GABARAPL2: variants seen among roughly 807,000 people sequenced by gnomAD.
GABARAPL2 encodes GABA type A receptor associated protein like 2, also known as gamma-aminobutyric acid receptor-associated protein-like 2.
Under a neutral mutation model 16.9 loss-of-function variants are expected in GABARAPL2, and 11 were observed. The ratio of observed to expected loss-of-function variants is 0.65; its 90% CI spans 0.41 to 1.08. The LOEUF is 1.08. Among genes scored for constraint, GABARAPL2 ranks in the 50% least tolerant of loss-of-function variants. The pLI is 0.00. For missense variants in GABARAPL2, 134 were observed against 142.5 expected, an observed-to-expected ratio of 0.94 and a Z score of 0.30; for synonymous variants, 57 against 50.7, an observed-to-expected ratio of 1.12 and a Z score of -0.53.
intron 1 of GABARAPL2, 158 bp from the exon 2 acceptor site, chr16:75,566,694 C>T (rs966818524): frequency 1.0e-6 from 1 of 959,308 alleles, no homozygotes. Flanking sequence ...TCACCCTCCG[C>T]GGGCCTTGCT....
chr16:75,576,729 A>G (rs1176268093), intron 3 of GABARAPL2: 1 of 153,538 alleles, frequency 6.5e-6, no homozygotes, highest in African/African-American at 2.4e-5. Context: ...TTTAGTTTGA[A>G]GAGTATCTAT....
Position 75,568,272 on chromosome 16 carries a change from T to C in GABARAPL2, c.263+63T>C, listed in dbSNP as rs146566773. ...ACATCTGGTTGGCTGCTTACGGAAC[T>C]CCAAAACTTTGGAAGTCTGAAAACT... On this transcript the variant is annotated intron_variant, in intron 3 of 3. Coordinates refer to ENST00000037243, the MANE Select transcript of GABARAPL2 (RefSeq NM_007285.7). 1.9e-4 allele frequency: 239 copies of C among 1,241,364 alleles called. 1 individual carries two copies. In the East Asian group the frequency reaches 3.5e-3, roughly 18 times the overall value. The allele number at this position is 1,241,364 out of a possible 1,614,324, so 76.9% of individuals were successfully genotyped here.
At chr16:75,572,667 G>A (rs1303408200) in intron 3 of GABARAPL2, 1 of 152,248 alleles carries the variant, frequency 6.6e-6, no homozygotes, top group Non-Finnish European at 1.5e-5. Context: ...CAGTGGAGGG[G>A]TTGGGGAGAG....
intron 3 of GABARAPL2, chr16:75,575,462 CTTT>C (rs1325897904): frequency 1.3e-5 from 2 of 151,792 alleles, no homozygotes; most frequent in African/African-American, 2.4e-5. Context: ...TGCCTGGATA[CTTT>C]TTTTGACAGA....
intron 3 of GABARAPL2, among the ~76,000 whole-genome samples, chr16:75,574,894 G>T (rs571939151): frequency 6.6e-6 from 1 of 151,770 alleles, no homozygotes; most frequent in Non-Finnish European, 1.5e-5. Flanking sequence ...TTAGCCAGGC[G>T]TGGTGGCATG....
chr16:75,566,709 G>A (rs958300651), intron 1 of GABARAPL2, 143 bp from the exon 2 acceptor site: 43 of 968,436 alleles, frequency 4.4e-5, no homozygotes, highest in South Asian at 4.1e-4. Context: ...CTTGCTGGGA[G>A]CTAGTAGGGG....
At chr16:75,572,397 C>T (rs1341295220) in intron 3 of GABARAPL2, 2 of 152,282 alleles carry the variant, frequency 1.3e-5, no homozygotes, top group Non-Finnish European at 2.9e-5. Context: ...GCTCATCAGC[C>T]CAGCCAATTC....
At position 75,570,545 on chromosome 16, in the gene GABARAPL2, C is replaced by T. The variant is rs2080908622; in HGVS notation, c.263+2336C>T. Among the ~76,000 whole-genome samples the T allele has an allele frequency of 2.0e-5, 3 of 152,162 alleles. No homozygotes were observed. The South Asian group carries it at 6.2e-4, about 32-fold the overall frequency. On this transcript the variant is annotated intron_variant, in intron 3 of 3. Transcript: ENST00000037243. ...TAGAGAAGGGACGAATTCAGGCCTG[C>T]AGGAGCCCTCCCTCTCCGGTGACTG... is the stretch of plus-strand genomic sequence containing the variant.
At chr16:75,569,840 A>C (rs1003812818) in intron 3 of GABARAPL2, among the ~76,000 whole-genome samples, 7 of 152,224 alleles carry the variant, frequency 4.6e-5, no homozygotes, top group Non-Finnish European at 1.0e-4. Flanking sequence ...TCAGGGCAGC[A>C]GAGACTGTTT....
At chr16:75,574,731 C>T (rs892292370) in intron 3 of GABARAPL2, among the ~76,000 whole-genome samples, 13 of 151,776 alleles carry the variant, frequency 8.6e-5, no homozygotes, top group African/African-American at 1.7e-4. Context: ...AGGCATTTCC[C>T]TTTGCAACCT....
chr16:75,574,225 G>T (rs1353735451), intron 3 of GABARAPL2, among the ~76,000 whole-genome samples: 1 of 152,182 alleles, frequency 6.6e-6, no homozygotes, highest in Non-Finnish European at 1.5e-5. Flanking sequence ...TGGGCTGCTG[G>T]TGTTTACGAA....
At chr16:75,572,944 C>T (rs992707109) in intron 3 of GABARAPL2, among the ~76,000 whole-genome samples, 7 of 152,238 alleles carry the variant, frequency 4.6e-5, no homozygotes, top group Admixed American at 4.6e-4. Context: ...CTCCCAGCAA[C>T]TTAGGCAGCA....
In GABARAPL2 at chr16:75,566,844, T is replaced by G. The variant is rs375741946; in HGVS notation, c.35-8T>G. On this transcript the variant is annotated splice_polypyrimidine_tract_variant and splice_region_variant and intron_variant, in intron 1 of 3. Coordinates refer to ENST00000037243, the MANE Select transcript of GABARAPL2 (RefSeq NM_007285.7). ...CGCGGCCGTCAGCCCCGTTTGTTTC[T>G]CCCACAGAACACAGATGCGTGGAGT... 1.0e-4 allele frequency: 162 copies of G among 1,612,716 alleles called. No homozygotes were observed. In the African/African-American group the frequency reaches 1.9e-3, roughly 19 times the overall value.
chr16:75,568,423 A>T (rs2080896515), intron 3 of GABARAPL2: 2 of 398,546 alleles, frequency 5.0e-6, no homozygotes, highest in African/African-American at 2.0e-5. Flanking sequence ...CTGGACTTTT[A>T]AAAAAATGAT....
chr16:75,573,245 T>C (rs576661581), intron 3 of GABARAPL2, among the ~76,000 whole-genome samples: 1 of 152,380 alleles, frequency 6.6e-6, no homozygotes, highest in East Asian at 1.9e-4. Context: ...TGCATATCCA[T>C]TTAATGGGAC....
chr16:75,566,549 TG>T, intron 1 of GABARAPL2, 29 bp downstream of exon 1: 11 of 1,605,022 alleles, frequency 6.9e-6, no homozygotes, highest in Non-Finnish European at 9.3e-6. Context: ...GCCCGGCTGC[TG>T]GGGGCTGGGG....
At chr16:75,574,210 G>A (rs60393074) in intron 3 of GABARAPL2, among the ~76,000 whole-genome samples, 12 of 152,188 alleles carry the variant, frequency 7.9e-5, no homozygotes, top group Non-Finnish European at 8.8e-5. Context: ...ACACAGGCCC[G>A]GGGGTGGGCT....
At chr16:75,569,530 T>C (rs1488958221) in intron 3 of GABARAPL2, among the ~76,000 whole-genome samples, 1 of 152,008 alleles carries the variant, frequency 6.6e-6, no homozygotes, top group Non-Finnish European at 1.5e-5. Flanking sequence ...GGGGAGGTAA[T>C]CTTCTTTCAT....
intron 3 of GABARAPL2, among the ~76,000 whole-genome samples, chr16:75,569,251 A>G (rs934888449): frequency 3.9e-5 from 6 of 152,072 alleles, no homozygotes; most frequent in Admixed American, 6.5e-5. Context: ...CTCCACCTCT[A>G]CTTCCTGGTG....
Sources: gnomAD v4.1 joint callset for allele counts (sites outside exome capture counted in the v4.1 genomes callset) on GRCh38, gnomAD v4.1.1 for gene constraint, MANE v1.5 for transcripts, NCBI Gene and HGNC (gene_info 2026-07-23, HGNC 2026-07-21) for gene names.